Variants in MEGF11 observed in about 807,000 individuals in gnomAD.
MEGF11 encodes the protein multiple epidermal growth factor-like domains protein 11.
In MEGF11, 126 loss-of-function variants were observed where a neutral mutation model predicts 146.6. That is an observed-to-expected ratio of 0.86 (90% confidence interval 0.74 to 1.00). MEGF11 has a LOEUF of 1.00. MEGF11 is among the 50% of genes least tolerant of loss of function. The pLI, the probability that MEGF11 is intolerant of heterozygous loss-of-function variation, is 0.00. For missense variants in MEGF11, 1,509 were observed against 1,521.2 expected (o/e 0.99, Z 0.13); for synonymous variants, 532 against 583.4 (o/e 0.91, Z 1.27).
At chr15:66,186,897 TA>T (rs1235434319) in intron 1 of MEGF11, among the ~76,000 whole-genome samples, 1 of 152,190 alleles carries the variant, frequency 6.6e-6, no homozygotes, top group African/African-American at 2.4e-5. Context: ...AGCCAGGCCT[TA>T]AACTAGAGGC....
At chr15:66,229,225 T>C (rs1413005277) in intron 1 of MEGF11, among the ~76,000 whole-genome samples, 1 of 151,854 alleles carries the variant, frequency 6.6e-6, no homozygotes, top group Non-Finnish European at 1.5e-5. Context: ...AAATTTTGGG[T>C]TAACTAGCCT....
intron 1 of MEGF11, among the ~76,000 whole-genome samples, chr15:66,225,800 G>A (rs893582050): frequency 1.3e-5 from 2 of 151,836 alleles, no homozygotes; most frequent in African/African-American, 2.4e-5. Context: ...GCACACACTC[G>A]CATAAGATCA....
intron 5 of MEGF11, among the ~76,000 whole-genome samples, chr15:66,081,464 C>T (rs1396924758): frequency 7.2e-5 from 11 of 152,104 alleles, no homozygotes; most frequent in South Asian, 2.1e-4. Context: ...CTGCAACCTC[C>T]GCCTCCCGGG....
chr15:65,923,681 TA>T (rs2079257795), intron 13 of MEGF11, among the ~76,000 whole-genome samples: 1 of 152,260 alleles, frequency 6.6e-6, no homozygotes, highest in African/African-American at 2.4e-5. Context: ...ATGCTAGTTG[TA>T]ACCCAACAAT....
intron 1 of MEGF11, among the ~76,000 whole-genome samples, chr15:66,242,407 T>TAAAA (rs1200352348): frequency 1.3e-4 from 18 of 134,572 alleles, no homozygotes; most frequent in South Asian, 2.4e-4. Context: ...AGACTCTGTC[T>TAAAA]AAAAAAAAAA....
chr15:66,105,287 G>A (rs1567242581), intron 4 of MEGF11, among the ~76,000 whole-genome samples: 4 of 152,336 alleles, frequency 2.6e-5, no homozygotes, highest in South Asian at 4.1e-4. Flanking sequence ...GAAAAAGCAA[G>A]AGGAGGAGGA....
chr15:66,099,208 T>TTTC (rs1555470548), intron 4 of MEGF11, among the ~76,000 whole-genome samples: 14 of 144,546 alleles, frequency 9.7e-5, no homozygotes, highest in East Asian at 6.1e-4. Flanking sequence ...CTTTTTCTTT[T>TTTC]TTTTTTTTTT....
intron 1 of MEGF11, among the ~76,000 whole-genome samples, chr15:66,237,331 C>A (rs1382856225): frequency 6.6e-6 from 1 of 151,952 alleles, no homozygotes; most frequent in Non-Finnish European, 1.5e-5. Context: ...TCACTCCCCC[C>A]AACAAAAGAC....
chr15:65,999,197 AT>A (rs557434571), intron 5 of MEGF11, among the ~76,000 whole-genome samples: 3 of 150,370 alleles, frequency 2.0e-5, no homozygotes, highest in Non-Finnish European at 3.0e-5. Context: ...ATGACCGGCT[AT>A]TTTTTTTTAA....
At chr15:66,132,801 CT>C (rs779751280) in intron 1 of MEGF11, among the ~76,000 whole-genome samples, 1 of 152,144 alleles carries the variant, frequency 6.6e-6, no homozygotes, top group Non-Finnish European at 1.5e-5. Flanking sequence ...TAGATATGGC[CT>C]TGGCTCTTCC....
In MEGF11 at chr15:65,912,064, G is replaced by C. The variant is rs2078829687; in HGVS notation, c.2829+18C>G. 8.2e-7 allele frequency: 1 copy of C among 1,216,382 alleles called. No homozygotes were observed. The highest frequency in any genetic ancestry group is 1.6e-5 in the African/African-American group (1 of 64,084). 75.3% of individuals were successfully genotyped at this position (1,216,382 alleles called of 1,614,324 possible). A position where few individuals can be genotyped will look rare whatever the true frequency, so the allele number is the denominator to read the frequency against. On this transcript the variant is annotated intron_variant, in intron 21 of 25. Transcript: ENST00000395614. ...GAGAGGGCAGTGAGTGGGGGCTGGG[G>C]AATCAGGGGCCCGGTACCTTGGTGG... is the stretch of plus-strand genomic sequence containing the variant.
intron 1 of MEGF11, among the ~76,000 whole-genome samples, chr15:66,224,019 T>G (rs1195169877): frequency 3.9e-5 from 6 of 152,050 alleles, no homozygotes; most frequent in Admixed American, 3.9e-4. Flanking sequence ...GCCTCTTTTT[T>G]CAATCAGTCA....
At position 65,940,846 on chromosome 15, in the gene MEGF11, A is replaced by G. The variant is rs548460600; in HGVS notation, c.1288-9903T>C. Among the ~76,000 whole-genome samples, 6 of 152,362 alleles carry G rather than the reference A, an allele frequency of 3.9e-5. No individual in the cohort carries two copies. In the South Asian group the frequency reaches 8.3e-4, roughly 21 times the overall value. On this transcript the variant is annotated intron_variant, in intron 10 of 25. Coordinates refer to ENST00000395614, the MANE Select transcript of MEGF11 (RefSeq NM_001385028.1). ...GTAGTATTCACTCTCACTTATGTCT[A>G]TCAAAAATGAATAGGCTGCCAGTGA...
rs1207318315 is a variant in MEGF11 at position 65,913,787 on chromosome 15, A to G, written c.2660T>C (p.Val887Ala). The G allele has an allele frequency of 6.2e-7, 1 of 1,613,602 alleles. No individual in the cohort carries two copies. Among genetic ancestry groups the G allele is most frequent in the Admixed American group, 1.7e-5 (1 of 59,998 alleles). ...KEKGRDLAPR[V>A]SYTPAMRMTS... ...CATCCTCATGGCAGGTGTGTAGGAG[A>G]CACGGGGAGCCAGGTCTCGGCCCTT... The change falls in exon 20 of 26, where the codon GTC becomes GCC. Residue 887 changes from valine (V) to alanine (A), a missense_variant. Val to Ala is a moderately conservative substitution (Grantham distance 64, BLOSUM62 0). Coordinates refer to ENST00000395614, the MANE Select transcript of MEGF11 (RefSeq NM_001385028.1).
chr15:66,246,977 T>C (rs1321418654), intron 1 of MEGF11, among the ~76,000 whole-genome samples: 1 of 152,180 alleles, frequency 6.6e-6, no homozygotes, highest in African/African-American at 2.4e-5. Context: ...GTATTTGGAT[T>C]GACTATCAAA....
At chr15:66,169,605 C>A (rs953121284) in intron 1 of MEGF11, among the ~76,000 whole-genome samples, 1 of 152,270 alleles carries the variant, frequency 6.6e-6, no homozygotes, top group African/African-American at 2.4e-5. Flanking sequence ...GCTGTCTCAG[C>A]GAGCACTGAC....
chr15:66,203,232 G>A (rs2091214079), intron 1 of MEGF11, among the ~76,000 whole-genome samples: 1 of 152,200 alleles, frequency 6.6e-6, no homozygotes, highest in Non-Finnish European at 1.5e-5. Context: ...CTTCATGGAG[G>A]TCGGAGAGCA....
chr15:66,205,723 G>A (rs2091282751), intron 1 of MEGF11, among the ~76,000 whole-genome samples: 2 of 152,208 alleles, frequency 1.3e-5, no homozygotes, highest in Non-Finnish European at 2.9e-5. Context: ...CTCACTCTTT[G>A]GTGTCAACAG....
chr15:65,989,489 C>T (rs1487544868), intron 5 of MEGF11, among the ~76,000 whole-genome samples: 6 of 152,328 alleles, frequency 3.9e-5, no homozygotes, highest in East Asian at 1.9e-4. Context: ...TGACAGGTCA[C>T]GGGATTGCTC....
Sources: gnomAD v4.1 joint callset for allele counts (sites outside exome capture counted in the v4.1 genomes callset) on GRCh38, gnomAD v4.1.1 for gene constraint, MANE v1.5 for transcripts, NCBI Gene and HGNC (gene_info 2026-07-23, HGNC 2026-07-21) for gene names.